Variants in LPP observed in about 807,000 individuals in gnomAD.
The protein encoded by LPP is LIM domain containing preferred translocation partner in lipoma, also known as lipoma-preferred partner.
Under a neutral mutation model 60.4 loss-of-function variants are expected in LPP, and 38 were observed. The observed-to-expected ratio is 0.63, with a 90% CI of 0.49 to 0.83. The LOEUF (loss-of-function observed/expected upper bound fraction) is 0.83. LPP is among the 40% of genes least tolerant of loss of function. The probability of loss-of-function intolerance (pLI) is 0.00; values close to 1 mark genes in which losing one functional copy is unlikely to be tolerated. For missense variants in LPP, 902 were observed against 783.6 expected, an observed-to-expected ratio of 1.15 and a Z score of -1.80; for synonymous variants, 328 against 290.8, an observed-to-expected ratio of 1.13 and a Z score of -1.30.
At chr3:188,438,022 A>G (rs933683259) in intron 4 of LPP, among the ~76,000 whole-genome samples, 2 of 152,180 alleles carry the variant, frequency 1.3e-5, no homozygotes, top group Admixed American at 6.5e-5. Context: ...CAGGATGGAC[A>G]GGCTATTTTT....
chr3:188,800,117 A>T (rs1407211915), intron 9 of LPP, among the ~76,000 whole-genome samples: 1 of 150,732 alleles, frequency 6.6e-6, no homozygotes, highest in Non-Finnish European at 1.5e-5. Flanking sequence ...ATTCTATAGG[A>T]TACATGAACC....
chr3:188,280,966 G>T (rs1741801091), intron 2 of LPP, among the ~76,000 whole-genome samples: 2 of 145,108 alleles, frequency 1.4e-5, no homozygotes, highest in East Asian at 2.0e-4. Context: ...AGGGAATCTT[G>T]CTGTGTTGCC....
chr3:188,358,675 G>C (rs998373505), intron 3 of LPP, among the ~76,000 whole-genome samples: 1 of 152,148 alleles, frequency 6.6e-6, no homozygotes, highest in Non-Finnish European at 1.5e-5. Flanking sequence ...CCGAAAGAGT[G>C]TGCGCTGAGA....
chr3:188,606,336 T>C (rs916521832), intron 6 of LPP, among the ~76,000 whole-genome samples: 8 of 152,224 alleles, frequency 5.3e-5, no homozygotes, highest in African/African-American at 4.8e-5. Flanking sequence ...CTGACTCTTA[T>C]GGCTATCTTT....
intron 1 of LPP, among the ~76,000 whole-genome samples, chr3:188,178,144 T>G (rs1723637448): frequency 6.6e-6 from 1 of 152,198 alleles, no homozygotes; most frequent in South Asian, 2.1e-4. Context: ...CTAGGTTCTC[T>G]GTCACTTGAT....
chr3:188,846,723 A>G (rs1306531536), intron 9 of LPP, among the ~76,000 whole-genome samples: 1 of 151,430 alleles, frequency 6.6e-6, no homozygotes, highest in East Asian at 1.9e-4. Flanking sequence ...AAGAAAAGTT[A>G]CATGTAGAGA....
In LPP at chr3:188,827,570, A is replaced by G. The variant is rs1755911713; in HGVS notation, c.1411-38630A>G. Among the ~76,000 whole-genome samples the G allele has an allele frequency of 2.6e-5, 4 of 152,182 alleles. No individual in the cohort carries two copies. In the South Asian group the frequency reaches 8.3e-4, roughly 31 times the overall value. ...TCAAACTGGCGGAGTCATTGGCAGC[A>G]TTAAAGAAGTGGGGTTGAAGCTGGG... On this transcript the variant is annotated intron_variant, in intron 9 of 11. Coordinates refer to ENST00000617246, the MANE Select transcript of LPP (RefSeq NM_001375462.1).
intron 9 of LPP, among the ~76,000 whole-genome samples, chr3:188,804,262 T>TATATATAA (rs1168970521): frequency 1.7e-5 from 2 of 116,362 alleles, no homozygotes; most frequent in Admixed American, 1.8e-4. Context: ...TATATATATA[T>TATATATAA]ATATATATAT....
intron 2 of LPP, among the ~76,000 whole-genome samples, chr3:188,292,992 C>T (rs1157396019): frequency 3.3e-5 from 5 of 152,174 alleles, no homozygotes; most frequent in Non-Finnish European, 7.3e-5. Flanking sequence ...AGCTCCAACT[C>T]TACAAACAAG....
Position 188,668,612 on chromosome 3 carries a change from A to G in LPP, c.1114-39655A>G, listed in dbSNP as rs1856301743. Among the ~76,000 whole-genome samples the G allele has an allele frequency of 2.0e-5, 3 of 152,252 alleles. No individual in the cohort carries two copies. In the South Asian group the frequency reaches 6.2e-4, roughly 31 times the overall value. ...AGCAGAAGAGGCAAGATTGAAAGTTAGATCCTCAGGCTTCTCTGATGCATC... is the reference window on the plus strand; with the variant it reads ...AGCAGAAGAGGCAAGATTGAAAGTTGGATCCTCAGGCTTCTCTGATGCATC... On this transcript the variant is annotated intron_variant, in intron 7 of 11. Transcript: ENST00000617246.
At chr3:188,819,023 G>A (rs1222981275) in intron 9 of LPP, among the ~76,000 whole-genome samples, 4 of 131,102 alleles carry the variant, frequency 3.1e-5, no homozygotes, top group Non-Finnish European at 6.3e-5. Flanking sequence ...CAACTCATGG[G>A]GGTCGTGTGT....
At chr3:188,247,273 A>G (rs559155715) in intron 2 of LPP, 1 of 620,386 alleles carries the variant, frequency 1.6e-6, no homozygotes, top group African/African-American at 2.0e-5. Context: ...AAAAAAAAAA[A>G]ACGCTGAGGC....
At chr3:188,659,525 T>G (rs142306130) in intron 7 of LPP, among the ~76,000 whole-genome samples, 2 of 152,282 alleles carry the variant, frequency 1.3e-5, no homozygotes, top group African/African-American at 4.8e-5. Flanking sequence ...TCAACAAATG[T>G]TTCTTCAATT....
intron 9 of LPP, among the ~76,000 whole-genome samples, chr3:188,803,608 A>G (rs1748009460): frequency 6.6e-6 from 1 of 152,232 alleles, no homozygotes; most frequent in Non-Finnish European, 1.5e-5. Flanking sequence ...TGCATGTTAC[A>G]GACCATATAA....
chr3:188,266,518 G>A (rs1735616525), intron 2 of LPP, among the ~76,000 whole-genome samples: 1 of 151,482 alleles, frequency 6.6e-6, no homozygotes, highest in African/African-American at 2.4e-5. Flanking sequence ...AGAGGAGAGG[G>A]GAGGGGAGGG....
At chr3:188,792,005 G>A (rs573682237) in intron 9 of LPP, among the ~76,000 whole-genome samples, 15 of 152,142 alleles carry the variant, frequency 9.9e-5, no homozygotes, top group African/African-American at 2.2e-4. Flanking sequence ...GTGAGTAAGC[G>A]CCTAAGACAA....
At position 188,317,142 on chromosome 3, in the gene LPP, C is replaced by T. The variant is rs148555475; in HGVS notation, c.-66-24521C>T. ...GCATGATTAGAAATTATAATGATGA[C>T]GACGATGAGTCTTCCAGGACACCCA... On this transcript the variant is annotated intron_variant, in intron 2 of 11. Transcript: ENST00000617246. Among the ~76,000 whole-genome samples, 374 of 152,242 alleles carry T rather than the reference C, an allele frequency of 2.5e-3. 1 individual carries two copies. Among genetic ancestry groups the T allele is most frequent in the African/African-American group, 8.5e-3 (351 of 41,524 alleles).
chr3:188,198,145 A>G (rs978536544), intron 1 of LPP, among the ~76,000 whole-genome samples: 8 of 152,154 alleles, frequency 5.3e-5, no homozygotes, highest in Admixed American at 2.6e-4. Flanking sequence ...TTAATCCTCT[A>G]AAGAAACCTA....
rs550698337 is a variant in LPP at position 188,849,385 on chromosome 3, T to C, written c.1411-16815T>C. Among the ~76,000 whole-genome samples the C allele has an allele frequency of 1.4e-4, 21 of 152,262 alleles. 1 individual carries two copies. The South Asian group carries it at 3.9e-3, about 29-fold the overall frequency. ...AATTTTCAAGGCCTACCACAGCAAA[T>C]TGGTGCCATTTCTAGGACTAGTATC... On this transcript the variant is annotated intron_variant, in intron 9 of 11. Transcript: ENST00000617246.
Sources: gnomAD v4.1 joint callset for allele counts (sites outside exome capture counted in the v4.1 genomes callset) on GRCh38, gnomAD v4.1.1 for gene constraint, MANE v1.5 for transcripts, NCBI Gene and HGNC (gene_info 2026-07-23, HGNC 2026-07-21) for gene names.